The following MYCBP2 variants were observed in gnomAD, a reference collection of about 807,000 sequenced individuals.
The protein encoded by MYCBP2 is E3 ubiquitin-protein ligase MYCBP2.
MYCBP2 carries 120 observed loss-of-function variants against 525.3 expected under a neutral mutation model. That is an observed-to-expected ratio of 0.23 (90% CI 0.20 to 0.27). The LOEUF is 0.27. MYCBP2 is among the 10% of genes least tolerant of loss of function. The pLI is 1.00. For synonymous variants in MYCBP2, 1,894 were observed against 1,955.8 expected (o/e 0.97, Z 0.83); for missense variants, 4,149 against 5,657.1 (o/e 0.73, Z 8.55).
At chr13:77,231,016 G>A (rs1323682929) in intron 18 of MYCBP2, among the ~76,000 whole-genome samples, 1 of 152,218 alleles carries the variant, frequency 6.6e-6, no homozygotes, top group Non-Finnish European at 1.5e-5. Context: ...TAAATGGTTA[G>A]TGGCTGGAGG....
chr13:77,265,537 T>C (rs1188309108), intron 8 of MYCBP2, among the ~76,000 whole-genome samples: 1 of 152,068 alleles, frequency 6.6e-6, no homozygotes, highest in Non-Finnish European at 1.5e-5. Context: ...CAAAACAAGG[T>C]TGAAATACTT....
At chr13:77,186,208 C>T (rs2060698494) in intron 30 of MYCBP2, 145 bp from the exon 31 acceptor site, 1 of 533,744 alleles carries the variant, frequency 1.9e-6, no homozygotes, top group Non-Finnish European at 3.2e-6. Context: ...TTTTACTGAG[C>T]CCAAGACACT....
intron 69 of MYCBP2, among the ~76,000 whole-genome samples, chr13:77,069,566 C>T (rs1283325091): frequency 2.0e-5 from 3 of 150,292 alleles, no homozygotes; most frequent in Non-Finnish European, 4.4e-5. Context: ...GGTGAAACCC[C>T]GTCTCTACTA....
At chr13:77,220,128 G>A (rs2154291474) in intron 20 of MYCBP2, among the ~76,000 whole-genome samples, 1 of 152,178 alleles carries the variant, frequency 6.6e-6, no homozygotes, top group Middle Eastern at 3.4e-3. Flanking sequence ...CATGTTTGCG[G>A]TTTTATCATG....
intron 15 of MYCBP2, 31 bp from the exon 16 acceptor site, chr13:77,243,982 GAC>G: frequency 1.3e-6 from 1 of 748,984 alleles, no homozygotes. Context: ...AAAAAAAAAA[GAC>G]AACTGAGATA....
Position 77,185,993 on chromosome 13 carries a change from A to G in MYCBP2, c.4322T>C (p.Leu1441Pro). The change falls in exon 31 of 83, where the codon CTT (leucine) becomes CCT (proline). Residue 1441 changes from leucine (L) to proline (P), a missense_variant. Coordinates refer to ENST00000544440, the MANE Select transcript of MYCBP2 (RefSeq NM_015057.5). ...WTTLVLGVEE[L>P]RGLKGFQFTA... The stretch of plus-strand genomic sequence containing the variant: ...GAACTGGAATCCTTTTAATCCTCTA[A>G]GTTCTTCAACTCCTAAGACTAAGGT... 6.2e-7 allele frequency: 1 copy of G among 1,613,730 alleles called. No homozygotes were observed. Among genetic ancestry groups the G allele is most frequent in the Non-Finnish European group, 8.5e-7 (1 of 1,179,850 alleles).
intron 4 of MYCBP2, among the ~76,000 whole-genome samples, chr13:77,277,807 T>C (rs1046864457): frequency 3.3e-5 from 5 of 152,242 alleles, no homozygotes; most frequent in Admixed American, 6.5e-5. Context: ...ACAGCTCTAG[T>C]ACTTCTGAGA....
At chr13:77,224,581 T>A (rs773066113) in intron 19 of MYCBP2, 49 bp from the exon 20 acceptor site, 49 of 1,143,932 alleles carry the variant, frequency 4.3e-5, no homozygotes, top group Middle Eastern at 3.9e-4. Context: ...GCATTTTACA[T>A]TTCTATCACA....
chr13:77,182,308 T>C (rs1435338500), intron 32 of MYCBP2, among the ~76,000 whole-genome samples: 1 of 152,194 alleles, frequency 6.6e-6, no homozygotes, highest in Non-Finnish European at 1.5e-5. Context: ...TCTCAAATAA[T>C]AAATGATGCA....
intron 13 of MYCBP2, among the ~76,000 whole-genome samples, chr13:77,258,736 T>TTTA: frequency 1.3e-5 from 2 of 152,218 alleles, no homozygotes; most frequent in South Asian, 4.1e-4. Flanking sequence ...ACAGTAGTTA[T>TTTA]TTATTATTAT....
At position 77,083,045 on chromosome 13, in the gene MYCBP2, G is replaced by A; in HGVS notation, c.11023C>T (p.Gln3675Ter). 6.2e-7 allele frequency: 1 copy of A among 1,612,630 alleles called. No individual in the cohort carries two copies. Among genetic ancestry groups the A allele is most frequent in the Non-Finnish European group, 8.5e-7 (1 of 1,179,270 alleles). The change falls in exon 63 of 83, where the codon CAA (glutamine) becomes TAA (stop). Residue 3675 changes from glutamine (Q) to a stop codon, truncating the protein, a stop_gained. Coordinates refer to ENST00000544440, the MANE Select transcript of MYCBP2 (RefSeq NM_015057.5). LOFTEE classifies it high-confidence loss of function. ...TACCAAAATTACCTCAGGGCCATTT[G>A]CTGTAATGAACTGCCGCTGGGGAGA... ...MSLPSGSSLQ[Q>*]MALRCWSLKF...
At chr13:77,205,102 A>G (rs534241512) in intron 26 of MYCBP2, among the ~76,000 whole-genome samples, 154 bp downstream of exon 26, 184 of 152,160 alleles carry the variant, frequency 1.2e-3, no homozygotes, top group African/African-American at 4.3e-3. Flanking sequence ...CGATTTTAGC[A>G]ATGTTTTCTC....
intron 21 of MYCBP2, among the ~76,000 whole-genome samples, chr13:77,213,267 G>A (rs2064294634): frequency 6.6e-6 from 1 of 152,210 alleles, no homozygotes; most frequent in Non-Finnish European, 1.5e-5. Context: ...CTGAGGTCAG[G>A]TGTTTGAGAC....
chr13:77,111,198 A>C lies in MYCBP2; in HGVS notation c.8140+10175T>G, dbSNP rs539064969. Among the ~76,000 whole-genome samples, 70 of 152,236 alleles carry C rather than the reference A, an allele frequency of 4.6e-4. 1 individual carries two copies. Among genetic ancestry groups the C allele is most frequent in the Admixed American group, 4.1e-3 (63 of 15,278 alleles). On this transcript the variant is annotated intron_variant, in intron 55 of 82. Coordinates refer to ENST00000544440, the MANE Select transcript of MYCBP2 (RefSeq NM_015057.5). ...AAATGTAATATATGAATAATTTTCT[A>C]TTTTCAACTTGTCAGTCAACAATGC...
chr13:77,249,419 A>C (rs1024208760), intron 15 of MYCBP2, among the ~76,000 whole-genome samples: 3 of 152,226 alleles, frequency 2.0e-5, no homozygotes, highest in Admixed American at 1.3e-4. Context: ...TAAGTCTATG[A>C]ATAATTATTA....
At chr13:77,071,818 A>T (rs1398761603) in intron 68 of MYCBP2, among the ~76,000 whole-genome samples, 2 of 152,224 alleles carry the variant, frequency 1.3e-5, no homozygotes, top group Non-Finnish European at 2.9e-5. Context: ...AGACTATATT[A>T]TAGGCCAGAA....
In MYCBP2 at chr13:77,326,767, C is replaced by G; in HGVS notation, c.9G>C (p.Met3Ile). 7.1e-7 allele frequency: 1 copy of G among 1,409,678 alleles called. No homozygotes were observed. Among genetic ancestry groups the G allele is most frequent in the Non-Finnish European group, 9.1e-7 (1 of 1,095,454 alleles). The allele number at this position is 1,409,678 out of a possible 1,614,324, so 87.3% of individuals were successfully genotyped here. The change falls in exon 1 of 83, where the codon ATG becomes ATC. Residue 3 changes from methionine to isoleucine, a missense_variant. By Grantham distance (10) the Met-to-Ile change is conservative. Around this residue, in one of 21 missense-constraint regions of MYCBP2, gnomAD observed 413 missense variants for 451.2 expected, o/e 0.92. Transcript: ENST00000544440. This position sits in a 1 kb window ranked among gnomAD's most constrained non-coding sequence, Gnocchi z 4.2. MMMCAATASPAAA... is the reference protein window; with the variant it reads MMICAATASPAAA... ...CGGCGGGGGAGGCAGTCGCTGCGCA[C>G]ATCATCATCCTCGCCGCCGCCGCCG...
chr13:77,199,014 A>G (rs1290973897), intron 26 of MYCBP2, among the ~76,000 whole-genome samples: 1 of 152,048 alleles, frequency 6.6e-6, no homozygotes, highest in Non-Finnish European at 1.5e-5. Context: ...TTATTAATTT[A>G]GTATTACTGT....
At chr13:77,085,107 A>G (rs1200173350) in intron 62 of MYCBP2, among the ~76,000 whole-genome samples, 1 of 152,098 alleles carries the variant, frequency 6.6e-6, no homozygotes, top group African/African-American at 2.4e-5. Flanking sequence ...TTTCATCGTA[A>G]CTATAACTAG....
Sources: gnomAD v4.1 joint callset for allele counts (sites outside exome capture counted in the v4.1 genomes callset) on GRCh38, gnomAD v4.1.1 for gene constraint, gnomAD v4.1.1 regional missense constraint, Gnocchi (gnomAD v3.1) non-coding constraint, MANE v1.5 for transcripts, NCBI Gene and HGNC (gene_info 2026-07-23, HGNC 2026-07-21) for gene names.